Variants in SPATA2L observed in about 807,000 individuals in gnomAD.
The protein encoded by SPATA2L is spermatogenesis associated 2 like.
In SPATA2L, 5 loss-of-function variants were observed where a neutral mutation model predicts 8.7. The observed-to-expected ratio is 0.57, with a 90% CI of 0.30 to 1.21. The LOEUF (loss-of-function observed/expected upper bound fraction) is 1.21, where lower values mean the gene tolerates loss of function less well. SPATA2L is among the 50% of genes most tolerant of loss of function. The probability of loss-of-function intolerance (pLI) is 0.07; values close to 1 mark genes in which losing one functional copy is unlikely to be tolerated. For missense variants in SPATA2L, 671 were observed against 591.0 expected (o/e 1.14, Z -1.40); for synonymous variants, 358 against 275.8 (o/e 1.30, Z -2.95).
In SPATA2L at chr16:89,696,864, G is replaced by C; in HGVS notation, c.*470C>G. ...AGCCCCGCAGATTGGCTCCAGCAGA[G>C]CTTGGGGTGGGGGGAGCTCGGTGTC... On this transcript the variant is annotated 3_prime_UTR_variant, in exon 3 of 3. Transcript: ENST00000289805. 2 of 1,535,172 alleles carry C rather than the reference G, an allele frequency of 1.3e-6. No homozygotes were observed. The highest frequency in any genetic ancestry group is 1.7e-6 in the Non-Finnish European group (2 of 1,146,284).
chr16:89,698,647 C>T (rs1428014909), intron 2 of SPATA2L, among the ~76,000 whole-genome samples: 7 of 151,698 alleles, frequency 4.6e-5, no homozygotes, highest in Admixed American at 2.0e-4. Flanking sequence ...CCACCACACC[C>T]GGCTAATTTT....
chr16:89,700,828 C>G, intron 2 of SPATA2L, 102 bp downstream of exon 2: 1 of 1,297,420 alleles, frequency 7.7e-7, no homozygotes, highest in Non-Finnish European at 1.0e-6. Flanking sequence ...ACTGAGGACA[C>G]TTGAAGCCCC....
Position 89,697,845 on chromosome 16 carries a change from G to T in SPATA2L, c.764C>A (p.Ala255Glu). The T allele has an allele frequency of 1.2e-6, 2 of 1,609,290 alleles. No individual in the cohort carries two copies. Among genetic ancestry groups the T allele is most frequent in the African/African-American group, 1.3e-5 (1 of 74,932 alleles). ...GAGTGGTGGCCTGTAGGCCAGCTCC[G>T]CCGGGGGCGAGTCAGGGCCTGGTGA... ...EPSPGPDSPPAELAYRPPLWE... is the reference protein window; with the variant it reads ...EPSPGPDSPPEELAYRPPLWE... The change falls in exon 3 of 3, where the codon GCG becomes GAG. Residue 255 changes from alanine (A) to glutamate (E), a missense_variant. Coordinates refer to ENST00000289805, the MANE Select transcript of SPATA2L (RefSeq NM_152339.4).
Position 89,697,951 on chromosome 16 carries a change from C to T in SPATA2L, c.658G>A (p.Ala220Thr). 6.2e-7 allele frequency: 1 copy of T among 1,607,752 alleles called. No homozygotes were observed. The highest frequency in any genetic ancestry group is 8.5e-7 in the Non-Finnish European group (1 of 1,177,648). The change falls in exon 3 of 3, where the codon GCT becomes ACT. Residue 220 changes from alanine (A) to threonine (T), a missense_variant. Ala to Thr is a moderately conservative substitution (Grantham distance 58, BLOSUM62 0). Transcript: ENST00000289805. ...TATAAGTCCAGTGGGGCCCTGTAAG[C>T]AGCAGGGGAGCCTCGGGGGGGCAGG... ...PPLPPRGSPA[A>T]YRAPLDLYRD...
chr16:89,696,966 C>T lies in SPATA2L; in HGVS notation c.*368G>A, dbSNP rs530310180. The T allele has an allele frequency of 1.0e-4, 153 of 1,483,914 alleles. No homozygotes were observed. Among genetic ancestry groups the T allele is most frequent in the Admixed American group, 1.3e-4 (6 of 47,792 alleles). The allele number at this position is 1,483,914 out of a possible 1,614,324, so 91.9% of individuals were successfully genotyped here. On this transcript the variant is annotated 3_prime_UTR_variant, in exon 3 of 3. Coordinates refer to ENST00000289805, the MANE Select transcript of SPATA2L (RefSeq NM_152339.4). ...GGACCCCCAAGTCCTGAGCCCCGTACTCCGTACTGCAGGGAGCAGGCCAGG... is the reference window on the plus strand; with the variant it reads ...GGACCCCCAAGTCCTGAGCCCCGTATTCCGTACTGCAGGGAGCAGGCCAGG...
At position 89,701,685 on chromosome 16, in the gene SPATA2L, C is replaced by G. The variant is rs956806962; in HGVS notation, c.-59G>C. The G allele has an allele frequency of 1.3e-5, 2 of 156,472 alleles. No homozygotes were observed. Among genetic ancestry groups the G allele is most frequent in the African/African-American group, 2.4e-5 (1 of 41,602 alleles). The allele number at this position is 156,472 out of a possible 1,614,324, so 9.7% of individuals were successfully genotyped here. A position where few individuals can be genotyped will look rare whatever the true frequency, so the allele number is the denominator to read the frequency against. On this transcript the variant is annotated 5_prime_UTR_variant, in exon 1 of 3. Coordinates refer to ENST00000289805, the MANE Select transcript of SPATA2L (RefSeq NM_152339.4). ...GATCAGTTCGGGCCTCCCCGCGCGC[C>G]GCGCGCTTCCGCCGGGAGTCGGCTC...
intron 2 of SPATA2L, 121 bp from the exon 3 acceptor site, chr16:89,698,426 CAG>C: frequency 9.3e-7 from 1 of 1,080,190 alleles, no homozygotes; most frequent in South Asian, 2.1e-5. Flanking sequence ...GACCCAACCC[CAG>C]AGACTAGGCT....
Position 89,697,528 on chromosome 16 carries a change from G to C in SPATA2L, c.1081C>G (p.Leu361Val). 1 of 1,594,980 alleles carries C rather than the reference G, an allele frequency of 6.3e-7. No individual in the cohort carries two copies. The change falls in exon 3 of 3, where the codon CTG becomes GTG. Residue 361 changes from leucine (L) to valine (V), a missense_variant. Transcript: ENST00000289805. Reference sequence around the variant, plus strand: ...AGGGTGGGCAGGGCGCCAGGGGACAGGCAGCTGTGTGCCTGGTAGCCTGGG... The same window carrying C: ...AGGGTGGGCAGGGCGCCAGGGGACACGCAGCTGTGTGCCTGGTAGCCTGGG... Reference protein sequence around the residue: ...EPPGYQAHSCLSPGALPTLCC... With the variant: ...EPPGYQAHSCVSPGALPTLCC...
In SPATA2L at chr16:89,697,051, C is replaced by T; in HGVS notation, c.*283G>A. On this transcript the variant is annotated 3_prime_UTR_variant, in exon 3 of 3. Coordinates refer to ENST00000289805, the MANE Select transcript of SPATA2L (RefSeq NM_152339.4). ...GGACAGGTTCAGGCACTGGCTGGAA[C>T]AGGCTGGACCCCTCTACCCAGCACA... 1 of 1,404,900 alleles carries T rather than the reference C, an allele frequency of 7.1e-7. No homozygotes were observed. Among genetic ancestry groups the T allele is most frequent in the South Asian group, 1.7e-5 (1 of 59,902 alleles). 87.0% of individuals were successfully genotyped at this position (1,404,900 alleles called of 1,614,324 possible).
In SPATA2L at chr16:89,698,350, G is replaced by A. The variant is rs770928775; in HGVS notation, c.304-45C>T. ...TCAGTGACTGCCCACCCTCCCATAGGCCAGACCCTAGGGTACAGTGGGTCC... is the reference window on the plus strand; with the variant it reads ...TCAGTGACTGCCCACCCTCCCATAGACCAGACCCTAGGGTACAGTGGGTCC... On this transcript the variant is annotated intron_variant, in intron 2 of 2. Transcript: ENST00000289805. 6 of 1,524,328 alleles carry A rather than the reference G, an allele frequency of 3.9e-6. No individual in the cohort carries two copies. In the African/African-American group the frequency reaches 8.3e-5, roughly 21 times the overall value. The allele number at this position is 1,524,328 out of a possible 1,614,324, so 94.4% of individuals were successfully genotyped here. A position where few individuals can be genotyped will look rare whatever the true frequency, so the allele number is the denominator to read the frequency against.
chr16:89,697,179 C>T lies in SPATA2L; in HGVS notation c.*155G>A. On this transcript the variant is annotated 3_prime_UTR_variant, in exon 3 of 3. Coordinates refer to ENST00000289805, the MANE Select transcript of SPATA2L (RefSeq NM_152339.4). ...GGAGCCTTCCATATACAGAGAGTCCCACCTCCAGCAAGGGTTGGCCTGGAC... is the reference window on the plus strand; with the variant it reads ...GGAGCCTTCCATATACAGAGAGTCCTACCTCCAGCAAGGGTTGGCCTGGAC... The T allele has an allele frequency of 4.4e-6, 6 of 1,377,480 alleles. No individual in the cohort carries two copies. The highest frequency in any genetic ancestry group is 5.6e-6 in the Non-Finnish European group (6 of 1,068,184). The allele number at this position is 1,377,480 out of a possible 1,614,324, so 85.3% of individuals were successfully genotyped here. A position where few individuals can be genotyped will look rare whatever the true frequency, so the allele number is the denominator to read the frequency against.
In SPATA2L at chr16:89,696,444, G is replaced by A. The variant is rs12924077; in HGVS notation, c.*890C>T. The A allele has an allele frequency of 6.7e-6, 2 of 297,512 alleles. No individual in the cohort carries two copies. The highest frequency in any genetic ancestry group is 1.3e-5 in the Non-Finnish European group (2 of 158,660). 18.4% of individuals were successfully genotyped at this position (297,512 alleles called of 1,614,324 possible). A position where few individuals can be genotyped will look rare whatever the true frequency, so the allele number is the denominator to read the frequency against. On this transcript the variant is annotated 3_prime_UTR_variant, in exon 3 of 3. Transcript: ENST00000289805. ...GGGGGTGGGGCGGAGGGTCAGGAAA[G>A]CAGGCTCAGCTTCCAGGGTCAGGGA...
intron 2 of SPATA2L, among the ~76,000 whole-genome samples, chr16:89,698,942 C>T (rs1210697025): frequency 6.6e-6 from 1 of 151,882 alleles, no homozygotes; most frequent in Admixed American, 6.6e-5. Flanking sequence ...TGCGCACCAC[C>T]ACGCCCCACT....
In SPATA2L at chr16:89,696,548, C is replaced by T. The variant is rs1331708538; in HGVS notation, c.*786G>A. 8 of 460,620 alleles carry T rather than the reference C, an allele frequency of 1.7e-5. No homozygotes were observed. The East Asian group carries it at 1.8e-4, about 10-fold the overall frequency. The allele number at this position is 460,620 out of a possible 1,614,324, so 28.5% of individuals were successfully genotyped here. A position where few individuals can be genotyped will look rare whatever the true frequency, so the allele number is the denominator to read the frequency against. The stretch of plus-strand genomic sequence containing the variant: ...CAGACCCGAGGGTAGGGCAGAGGCA[C>T]CTCCTCGCCAGCCTGTGGGCTGCAC... On this transcript the variant is annotated 3_prime_UTR_variant, in exon 3 of 3. Transcript: ENST00000289805.
intron 1 of SPATA2L, 159 bp from the exon 2 acceptor site, chr16:89,701,392 T>G (rs1316293412): frequency 6.2e-6 from 4 of 648,336 alleles, no homozygotes; most frequent in Non-Finnish European, 7.0e-6. Flanking sequence ...CCCCCTACGC[T>G]GGAGACCTCG....
At position 89,696,912 on chromosome 16, in the gene SPATA2L, TC is replaced by T; in HGVS notation, c.*421del. On this transcript the variant is annotated 3_prime_UTR_variant, in exon 3 of 3. Transcript: ENST00000289805. ...GTCACCAACAGGCCCTTGAGGACAC[TC>T]GTGTGGAGAATCCCTGGGACACGTG... The T allele has an allele frequency of 6.5e-7, 1 of 1,528,410 alleles. No homozygotes were observed. Among genetic ancestry groups the T allele is most frequent in the South Asian group, 1.2e-5 (1 of 83,130 alleles). The allele number at this position is 1,528,410 out of a possible 1,614,324, so 94.7% of individuals were successfully genotyped here.
chr16:89,697,810 T>A lies in SPATA2L; in HGVS notation c.799A>T (p.Ser267Cys), dbSNP rs941551441. The A allele has an allele frequency of 6.2e-7, 1 of 1,603,112 alleles. No individual in the cohort carries two copies. The highest frequency in any genetic ancestry group is 1.3e-5 in the African/African-American group (1 of 74,732). Residue 267 changes from serine (S) to cysteine (C), a missense_variant, in exon 3 of 3, where the codon AGT becomes TGT. Transcript: ENST00000289805. ...CCCCCAGTGCCCCACAGTTTGGCAC[T>A]CTGCTCCCAGAGTGGTGGCCTGTAG... Reference protein sequence around the residue: ...LAYRPPLWEQSAKLWGTGGRA... With the variant: ...LAYRPPLWEQCAKLWGTGGRA...
intron 2 of SPATA2L, among the ~76,000 whole-genome samples, chr16:89,699,122 A>T (rs2060758281): frequency 6.6e-6 from 1 of 152,112 alleles, no homozygotes. Flanking sequence ...CAATGAATAC[A>T]TTAACCTAGC....
At chr16:89,700,049 T>A (rs1219809721) in intron 2 of SPATA2L, among the ~76,000 whole-genome samples, 1 of 152,206 alleles carries the variant, frequency 6.6e-6, no homozygotes, top group Non-Finnish European at 1.5e-5. Flanking sequence ...CCCCATGAAC[T>A]GGACTGTTCC....
Sources: gnomAD v4.1 joint callset for allele counts (sites outside exome capture counted in the v4.1 genomes callset) on GRCh38, gnomAD v4.1.1 for gene constraint, MANE v1.5 for transcripts, NCBI Gene and HGNC (gene_info 2026-07-23, HGNC 2026-07-21) for gene names.